The following C12orf42 variants were observed in gnomAD, a reference collection of about 807,000 sequenced individuals.
The protein encoded by C12orf42 is uncharacterized protein C12orf42.
In C12orf42, 25 loss-of-function variants were observed where a neutral mutation model predicts 21.6. The ratio of observed to expected loss-of-function variants is 1.16; its 90% CI spans 0.84 to 1.62. The LOEUF is 1.62. C12orf42 is among the 40% of genes most tolerant of loss of function. C12orf42 has a pLI of 0.00. For synonymous variants in C12orf42, 174 were observed against 175.0 expected (o/e 0.99, Z 0.05); for missense variants, 483 against 459.3 (o/e 1.05, Z -0.47).
At chr12:103,149,920 A>T in the C12orf42 span, among the ~76,000 whole-genome samples, 1 of 152,194 alleles carries the variant, frequency 6.6e-6, no homozygotes, top group Non-Finnish European at 1.5e-5. Context: ...TAAGGTTTAA[A>T]TTAGTAAGTC....
intron 2 of C12orf42, among the ~76,000 whole-genome samples, chr12:103,453,908 A>G (rs1952118125): frequency 6.6e-6 from 1 of 152,068 alleles, no homozygotes; most frequent in Non-Finnish European, 1.5e-5. Flanking sequence ...CCTTTACTCA[A>G]CATAAGCACT....
intron 3 of C12orf42, among the ~76,000 whole-genome samples, chr12:103,398,070 T>A (rs1001332255): frequency 1.3e-5 from 2 of 152,216 alleles, no homozygotes; most frequent in South Asian, 4.2e-4. Flanking sequence ...AAAAATAAAA[T>A]AAAAGGTGTT....
the C12orf42 span, among the ~76,000 whole-genome samples, chr12:103,187,219 A>C: frequency 1.3e-5 from 2 of 152,210 alleles, no homozygotes; most frequent in Admixed American, 6.5e-5. Context: ...GCCACACACT[A>C]TTTTAAGTGC....
downstream of C12orf42, among the ~76,000 whole-genome samples, chr12:103,297,620 C>T (rs2037386187): frequency 6.6e-6 from 1 of 151,844 alleles, no homozygotes; most frequent in African/African-American, 2.4e-5. Flanking sequence ...CAGCATCATC[C>T]TGATACCAAA....
intron 4 of C12orf42, among the ~76,000 whole-genome samples, chr12:103,279,879 C>T (rs1167185455): frequency 6.6e-6 from 1 of 152,134 alleles, no homozygotes; most frequent in African/African-American, 2.4e-5. Context: ...AGGTTTTCTG[C>T]TTTCATGGTG....
At chr12:103,193,069 C>T in the C12orf42 span, among the ~76,000 whole-genome samples, 1 of 151,792 alleles carries the variant, frequency 6.6e-6, no homozygotes, top group Non-Finnish European at 1.5e-5. Context: ...TGGAATAAAA[C>T]TAAATATGAA....
At chr12:103,284,538 AT>A (rs2036324151) in intron 4 of C12orf42, among the ~76,000 whole-genome samples, 5 of 152,182 alleles carry the variant, frequency 3.3e-5, no homozygotes. Flanking sequence ...CCACAAGATA[AT>A]TATTCTAAGA....
chr12:103,154,328 G>C, the C12orf42 span, among the ~76,000 whole-genome samples: 1 of 151,910 alleles, frequency 6.6e-6, no homozygotes, highest in Non-Finnish European at 1.5e-5. Flanking sequence ...CTTTTTGTTG[G>C]AATATTATAC....
chr12:103,472,047 ATTTTTTTTTTTTT>A (rs33994886), intron 2 of C12orf42: 2 of 84,356 alleles, frequency 2.4e-5, no homozygotes, highest in Non-Finnish European at 4.2e-5. Context: ...ATACAACTCA[ATTTTTTTTTTTTT>A]TTTTTTTTTT....
the C12orf42 span, among the ~76,000 whole-genome samples, chr12:103,079,448 C>A: frequency 6.6e-6 from 1 of 152,150 alleles, no homozygotes; most frequent in South Asian, 2.1e-4. Flanking sequence ...GTAAGAGAAG[C>A]TAAACCTACA....
chr12:103,478,604 G>A (rs184321573), intron 1 of C12orf42, among the ~76,000 whole-genome samples, 157 bp from the exon 2 acceptor site: 2,347 of 95,392 alleles, frequency 0.025, 64 homozygotes, highest in African/African-American at 0.08. Flanking sequence ...TTTTTTTTTT[G>A]GGGGAGACAG....
At chr12:103,169,545 A>G in the C12orf42 span, among the ~76,000 whole-genome samples, 10,816 of 152,224 alleles carry the variant, frequency 0.071, 440 homozygotes, top group East Asian at 0.17. Flanking sequence ...TAGTATGTAT[A>G]AGAAATGAGT....
intron 2 of C12orf42, among the ~76,000 whole-genome samples, chr12:103,427,015 T>C (rs1425730909): frequency 6.6e-6 from 1 of 152,000 alleles, no homozygotes; most frequent in Non-Finnish European, 1.5e-5. Context: ...TACCAAACTG[T>C]AAAGACCATC....
At chr12:103,544,194 T>C in the C12orf42 span, among the ~76,000 whole-genome samples, 2 of 152,180 alleles carry the variant, frequency 1.3e-5, no homozygotes, top group Non-Finnish European at 1.5e-5. Flanking sequence ...AGAATTCTTA[T>C]AATAAGAGTC....
chr12:103,408,781 T>G (rs1050143041), intron 2 of C12orf42, among the ~76,000 whole-genome samples: 14 of 152,172 alleles, frequency 9.2e-5, no homozygotes, highest in Non-Finnish European at 2.1e-4. Context: ...TGTATATTTT[T>G]TGTCAACTCC....
chr12:103,500,841 A>C (rs1472403082), upstream of C12orf42, among the ~76,000 whole-genome samples: 5 of 152,254 alleles, frequency 3.3e-5, no homozygotes. Context: ...AAAGTAAAGG[A>C]AGAAATATCA....
chr12:103,187,174 A>T, the C12orf42 span, among the ~76,000 whole-genome samples: 1 of 152,184 alleles, frequency 6.6e-6, no homozygotes, highest in Admixed American at 6.5e-5. Context: ...TTAGCAAGAT[A>T]AGGAATAATA....
the C12orf42 span, among the ~76,000 whole-genome samples, chr12:103,086,908 A>T: frequency 6.6e-5 from 10 of 152,218 alleles, no homozygotes; most frequent in African/African-American, 2.2e-4. Flanking sequence ...ACAAGTTTGG[A>T]AGTTGGCAAA....
the C12orf42 span, among the ~76,000 whole-genome samples, chr12:103,130,891 C>T: frequency 2.0e-5 from 3 of 152,200 alleles, no homozygotes; most frequent in African/African-American, 7.2e-5. Flanking sequence ...TTGTCCCCTA[C>T]ACTTACCAAC....
Sources: allele counts gnomAD v4.1 joint callset (sites outside exome capture counted in the v4.1 genomes callset), GRCh38; gene constraint gnomAD v4.1.1; transcripts MANE v1.5; gene names NCBI Gene and HGNC (gene_info 2026-07-23, HGNC 2026-07-21).